SMCHD1: variants seen among roughly 807,000 people sequenced by gnomAD.
The protein encoded by SMCHD1 is structural maintenance of chromosomes flexible hinge domain containing 1, also known as structural maintenance of chromosomes flexible hinge domain-containing protein 1.
Under a neutral mutation model 254.7 loss-of-function variants are expected in SMCHD1, and 78 were observed. The observed-to-expected ratio is 0.31, with a 90% CI of 0.26 to 0.37. The LOEUF (loss-of-function observed/expected upper bound fraction) is 0.37. Among genes scored for constraint, SMCHD1 ranks in the 10% least tolerant of loss-of-function variants. The probability of loss-of-function intolerance (pLI) is 1.00; values close to 1 mark genes in which losing one functional copy is unlikely to be tolerated. For synonymous variants in SMCHD1, 766 were observed against 794.9 expected (o/e 0.96, Z 0.61); for missense variants, 1,840 against 2,408.1 (o/e 0.76, Z 4.94).
chr18:2,732,546 T>A, intron 25 of SMCHD1, 54 bp downstream of exon 25: 1 of 1,204,630 alleles, frequency 8.3e-7, no homozygotes, highest in Non-Finnish European at 1.2e-6. Context: ...ATTTTATGTT[T>A]GTAAGACTGA....
rs1331601624 is a variant in SMCHD1 at position 2,673,263 on chromosome 18, TTTC to T, written c.425-15_425-13del. The T allele has an allele frequency of 6.4e-7, 1 of 1,572,838 alleles. No homozygotes were observed. The highest frequency in any genetic ancestry group is 1.4e-5 in the African/African-American group (1 of 73,704). The stretch of plus-strand genomic sequence containing the variant: ...GTGGGAGGGAAAAGTTAAGCAATGT[TTTC>T]TTGATCTCTTGCAGCATTTGCTCTT... On this transcript the variant is annotated splice_polypyrimidine_tract_variant and intron_variant, in intron 3 of 47. Transcript: ENST00000320876.
At chr18:2,760,808 A>G (rs1238250587) in intron 35 of SMCHD1, 69 bp downstream of exon 35, 2 of 768,312 alleles carry the variant, frequency 2.6e-6, no homozygotes, top group African/African-American at 3.5e-5. Context: ...TTGGTTCTGC[A>G]TTACATGAAA....
intron 24 of SMCHD1, among the ~76,000 whole-genome samples, chr18:2,731,044 A>T (rs2075128092): frequency 6.6e-6 from 1 of 152,240 alleles, no homozygotes; most frequent in Non-Finnish European, 1.5e-5. Flanking sequence ...GTTAAAACAA[A>T]TGCCAACGTA....
chr18:2,747,798 A>T lies in SMCHD1; in HGVS notation c.3927+151A>T, dbSNP rs2304862. Among the ~76,000 whole-genome samples, 30,305 of 152,154 alleles carry T rather than the reference A, an allele frequency of 0.2. 3,219 individuals are homozygous for T. Among genetic ancestry groups the T allele is most frequent in the South Asian group, 0.27 (1,300 of 4,816 alleles). On this transcript the variant is annotated intron_variant, in intron 30 of 47. Transcript: ENST00000320876. ...GTGTAAATAAACCTCAAAAATTTTTAAAATTATTTTGAGGAAATAAAGTTT... is the reference window on the plus strand; with the variant it reads ...GTGTAAATAAACCTCAAAAATTTTTTAAATTATTTTGAGGAAATAAAGTTT...
rs192865556 is a variant in SMCHD1, at chr18:2,682,602, G to A, written c.639-5792G>A. On this transcript the variant is annotated intron_variant, in intron 5 of 47. Coordinates refer to ENST00000320876, the MANE Select transcript of SMCHD1 (RefSeq NM_015295.3). ...CTCCCAAAGTGCTGGGATTATGGGC[G>A]TGAGCCACCGCGCCCGGCCCCCTGA... Among the ~76,000 whole-genome samples, 244 of 152,306 alleles carry A rather than the reference G, an allele frequency of 1.6e-3. 2 individuals are homozygous for A. The highest frequency in any genetic ancestry group is 5.7e-3 in the African/African-American group (237 of 41,556).
At chr18:2,708,186 C>T (rs1411947305) in intron 17 of SMCHD1, among the ~76,000 whole-genome samples, 1 of 151,840 alleles carries the variant, frequency 6.6e-6, no homozygotes, top group Non-Finnish European at 1.5e-5. Flanking sequence ...GAAGAATTTG[C>T]AGTAGGAATT....
At chr18:2,704,020 A>G in intron 13 of SMCHD1, 134 bp downstream of exon 13, 1 of 624,188 alleles carries the variant, frequency 1.6e-6, no homozygotes, top group Non-Finnish European at 2.5e-6. Context: ...TTCATGAAGA[A>G]CATTTATTCA....
intron 24 of SMCHD1, among the ~76,000 whole-genome samples, chr18:2,729,990 A>G (rs1057490524): frequency 8.5e-5 from 13 of 152,200 alleles, no homozygotes; most frequent in Admixed American, 2.0e-4. Context: ...CTGAAGTTAT[A>G]GGTGTGCACC....
At chr18:2,731,837 C>A (rs1048782513) in intron 24 of SMCHD1, among the ~76,000 whole-genome samples, 2 of 152,096 alleles carry the variant, frequency 1.3e-5, no homozygotes, top group East Asian at 3.9e-4. Flanking sequence ...CGTGGTGAAA[C>A]CCATCTCTGC....
intron 10 of SMCHD1, among the ~76,000 whole-genome samples, chr18:2,699,049 A>G (rs1053120032): frequency 1.3e-5 from 2 of 152,194 alleles, no homozygotes; most frequent in African/African-American, 2.4e-5. Flanking sequence ...TTATAGGTTA[A>G]CAATATTAAA....
At chr18:2,772,151 T>C (rs2075995766) in intron 40 of SMCHD1, 99 bp from the exon 41 acceptor site, 1 of 1,017,196 alleles carries the variant, frequency 9.8e-7, no homozygotes, top group South Asian at 3.3e-5. Context: ...CTTTATATTC[T>C]TTAGTTATCT....
chr18:2,728,706 T>G, intron 23 of SMCHD1, 110 bp downstream of exon 23: 1 of 1,179,424 alleles, frequency 8.5e-7, no homozygotes, highest in Non-Finnish European at 1.2e-6. Flanking sequence ...GAAACGATTA[T>G]TCCGTGGAAG....
At chr18:2,754,368 G>A (rs1028360623) in intron 34 of SMCHD1, among the ~76,000 whole-genome samples, 2 of 152,126 alleles carry the variant, frequency 1.3e-5, no homozygotes, top group Admixed American at 1.3e-4. Flanking sequence ...GAAACAAAAG[G>A]ATTCAAAGTG....
intron 26 of SMCHD1, among the ~76,000 whole-genome samples, chr18:2,738,849 G>T (rs78158967): frequency 1.4e-4 from 21 of 152,298 alleles, no homozygotes; most frequent in Non-Finnish European, 2.6e-4. Flanking sequence ...ATCAGTCAGT[G>T]TTGTTCAGAA....
chr18:2,782,191 T>A (rs931244832), intron 44 of SMCHD1, among the ~76,000 whole-genome samples: 10 of 152,190 alleles, frequency 6.6e-5, no homozygotes, highest in Admixed American at 2.0e-4. Flanking sequence ...CACTGTTGAG[T>A]TTCAGAGTTG....
intron 17 of SMCHD1, among the ~76,000 whole-genome samples, chr18:2,710,474 G>A (rs1383785035): frequency 6.6e-6 from 1 of 152,162 alleles, no homozygotes; most frequent in Non-Finnish European, 1.5e-5. Context: ...AGATCACTTT[G>A]AGTATTATTT....
intron 5 of SMCHD1, among the ~76,000 whole-genome samples, chr18:2,687,957 G>A (rs890472029): frequency 6.6e-6 from 1 of 152,130 alleles, no homozygotes; most frequent in African/African-American, 2.4e-5. Context: ...TTGTTATGGT[G>A]CACTGTTCCC....
chr18:2,754,730 G>A (rs1205106959), intron 34 of SMCHD1, among the ~76,000 whole-genome samples: 2 of 152,114 alleles, frequency 1.3e-5, no homozygotes, highest in Non-Finnish European at 2.9e-5. Context: ...ACTCACAGAT[G>A]TCTGCGAAGG....
rs1245512730 is a variant in SMCHD1 at position 2,700,652 on chromosome 18, G to T, written c.1456G>T (p.Val486Phe). ...WNGRLIPYTS[V>F]EDFDWCTPPK... Reference sequence around the variant, plus strand: ...TGGACGATTAATACCATATACATCAGTTGAAGAGTAAGTTTGATTTTTGCT... The same window carrying T: ...TGGACGATTAATACCATATACATCATTTGAAGAGTAAGTTTGATTTTTGCT... The change falls in exon 11 of 48, where the codon GTT (valine) becomes TTT (phenylalanine). Residue 486 changes from valine (V) to phenylalanine (F), a missense_variant. By Grantham distance (50) the Val-to-Phe change is conservative. This residue lies in a region of SMCHD1 where 498 missense variants were observed against 743.5 expected (regional missense o/e 0.67). Coordinates refer to ENST00000320876, the MANE Select transcript of SMCHD1 (RefSeq NM_015295.3). 6.2e-7 allele frequency: 1 copy of T among 1,606,156 alleles called. No individual in the cohort carries two copies. The highest frequency in any genetic ancestry group is 1.3e-5 in the African/African-American group (1 of 74,568).
Sources: gnomAD v4.1 joint callset for allele counts (sites outside exome capture counted in the v4.1 genomes callset) on GRCh38, gnomAD v4.1.1 for gene constraint, gnomAD v4.1.1 regional missense constraint, MANE v1.5 for transcripts, NCBI Gene and HGNC (gene_info 2026-07-23, HGNC 2026-07-21) for gene names.